SPTBN1: variants seen among roughly 807,000 people sequenced by gnomAD.
The protein encoded by SPTBN1 is spectrin beta chain, non-erythrocytic 1.
Under a neutral mutation model 266.4 loss-of-function variants are expected in SPTBN1, and 32 were observed. That is an observed-to-expected ratio of 0.12 (90% CI 0.09 to 0.16). SPTBN1 has a LOEUF of 0.16. Among genes scored for constraint, SPTBN1 ranks in the 10% least tolerant of loss-of-function variants. The pLI is 1.00. For synonymous variants in SPTBN1, 1,336 were observed against 1,162.2 expected (o/e 1.15, Z -3.04); for missense variants, 2,296 against 3,067.1 (o/e 0.75, Z 5.94).
In SPTBN1 at chr2:54,649,742, C is replaced by G; in HGVS notation, c.5330C>G (p.Ala1777Gly). 6.2e-7 allele frequency: 1 copy of G among 1,614,192 alleles called. No individual in the cohort carries two copies. Among genetic ancestry groups the G allele is most frequent in the Non-Finnish European group, 8.5e-7 (1 of 1,180,032 alleles). ...GGACATTCAGATGCCGCCACCATCG[C>G]TGAATGGAAGGATGGCCTCAATGAA... The part of the protein sequence containing the change: ...NSGHSDAATI[A>G]EWKDGLNEAW... Residue 1777 changes from alanine (A) to glycine (G), a missense_variant, in exon 26 of 36, where the codon GCT (alanine) becomes GGT (glycine). Physicochemically the swap from Ala to Gly is moderately conservative, Grantham distance 60. This residue lies in a region of SPTBN1 where 644 missense variants were observed against 745.3 expected (regional missense o/e 0.86). Transcript: ENST00000356805. This position sits in a 1 kb window ranked among gnomAD's most constrained non-coding sequence, Gnocchi z 6.7.
intron 4 of SPTBN1, among the ~76,000 whole-genome samples, chr2:54,613,225 C>T (rs1001584720): frequency 1.2e-4 from 19 of 152,174 alleles, no homozygotes; most frequent in African/African-American, 2.7e-4. Context: ...GGTTTCTCTG[C>T]GAACAAATAT....
Position 54,645,175 on chromosome 2 carries a change from G to T in SPTBN1, c.4270-54G>T. ...GGCCCAGCAGTTCTGCTTAGAGCCA[G>T]TCACTGCAAAAGATAGTCTGTGCTG... On this transcript the variant is annotated intron_variant, in intron 20 of 35. Coordinates refer to ENST00000356805, the MANE Select transcript of SPTBN1 (RefSeq NM_003128.3). This position sits in a 1 kb window ranked among gnomAD's most constrained non-coding sequence, Gnocchi z 4.3. The T allele has an allele frequency of 1.3e-6, 2 of 1,591,182 alleles. No homozygotes were observed. Among genetic ancestry groups the T allele is most frequent in the South Asian group, 1.1e-5 (1 of 90,104 alleles).
chr2:54,667,029 GT>G (rs1255055219), intron 34 of SPTBN1, among the ~76,000 whole-genome samples: 1 of 152,168 alleles, frequency 6.6e-6, no homozygotes, highest in Non-Finnish European at 1.5e-5. Context: ...CCTACCCTGT[GT>G]TACACAACAG....
chr2:54,475,130 C>T lies in SPTBN1; in HGVS notation c.-48+18612C>T, dbSNP rs139525588. On this transcript the variant is annotated intron_variant, in intron 1 of 35. Coordinates refer to ENST00000356805, the MANE Select transcript of SPTBN1 (RefSeq NM_003128.3). ...CCGAGTCAGGAGAATCACTTGAGCC[C>T]GGGAGGCAGAGGTTGCAGTGAGCTG... Among the ~76,000 whole-genome samples the T allele has an allele frequency of 1.3e-3, 200 of 152,194 alleles. 1 individual carries two copies. The highest frequency in any genetic ancestry group is 2.3e-3 in the Non-Finnish European group (159 of 68,012).
At chr2:54,659,793 G>A in intron 31 of SPTBN1, 143 bp from the exon 32 acceptor site, 4 of 1,444,252 alleles carry the variant, frequency 2.8e-6, no homozygotes, top group Admixed American at 2.8e-5. Context: ...ACACTTGGAA[G>A]TTTCAGATTT....
At chr2:54,503,321 A>G (rs772599818) in intron 1 of SPTBN1, among the ~76,000 whole-genome samples, 4 of 152,124 alleles carry the variant, frequency 2.6e-5, no homozygotes, top group African/African-American at 7.2e-5. Flanking sequence ...TTCATGGAGG[A>G]CTAGGCGTAG....
At chr2:54,477,977 A>C (rs1667923226) in intron 1 of SPTBN1, among the ~76,000 whole-genome samples, 2 of 152,164 alleles carry the variant, frequency 1.3e-5, no homozygotes, top group African/African-American at 4.8e-5. Flanking sequence ...GAGGCAGAGA[A>C]AACCTTCTTC....
At chr2:54,659,030 G>A in intron 30 of SPTBN1, 124 bp from the exon 31 acceptor site, 1 of 916,662 alleles carries the variant, frequency 1.1e-6, no homozygotes, top group Non-Finnish European at 1.7e-6. Context: ...GGATGTTAGA[G>A]CTTCTTGTCC....
At chr2:54,459,097 C>T (rs1693224947) in intron 1 of SPTBN1, among the ~76,000 whole-genome samples, 1 of 152,124 alleles carries the variant, frequency 6.6e-6, no homozygotes, top group Non-Finnish European at 1.5e-5. Context: ...TAAGAAATAT[C>T]CTGTGTTGAT....
Position 54,562,253 on chromosome 2 carries a change from A to G in SPTBN1, c.148+35687A>G, listed in dbSNP as rs374174083. Among the ~76,000 whole-genome samples, 196 of 152,340 alleles carry G rather than the reference A, an allele frequency of 1.3e-3. 4 individuals are homozygous for G. In the South Asian group the frequency reaches 0.036, roughly 28 times the overall value. The stretch of plus-strand genomic sequence containing the variant: ...TTCACATCAGCCAGCTTAACTCCTC[A>G]TGAGAGAACACTCATCATGCCACTT... On this transcript the variant is annotated intron_variant, in intron 2 of 35. Coordinates refer to ENST00000356805, the MANE Select transcript of SPTBN1 (RefSeq NM_003128.3).
chr2:54,565,623 T>A (rs187917594), intron 2 of SPTBN1, among the ~76,000 whole-genome samples: 6 of 152,334 alleles, frequency 3.9e-5, no homozygotes, highest in Non-Finnish European at 7.4e-5. Context: ...TAATAAATAA[T>A]CTATTGAATT....
chr2:54,650,961 C>T (rs1680240319), intron 26 of SPTBN1, among the ~76,000 whole-genome samples: 1 of 152,166 alleles, frequency 6.6e-6, no homozygotes, highest in African/African-American at 2.4e-5. Context: ...CTCTCACTTC[C>T]CCTTAATTCT....
intron 17 of SPTBN1, among the ~76,000 whole-genome samples, chr2:54,634,751 A>G (rs919250002): frequency 6.6e-6 from 1 of 152,216 alleles, no homozygotes; most frequent in Admixed American, 6.5e-5. Flanking sequence ...ATGTAAAGTC[A>G]TTATAATGTG....
chr2:54,490,215 C>G (rs1402303032), intron 1 of SPTBN1, among the ~76,000 whole-genome samples: 1 of 151,826 alleles, frequency 6.6e-6, no homozygotes, highest in Admixed American at 6.6e-5. Flanking sequence ...GGGATTACAG[C>G]TGCGTGCCAC....
chr2:54,497,755 A>G (rs931570938), intron 1 of SPTBN1, among the ~76,000 whole-genome samples: 23 of 152,334 alleles, frequency 1.5e-4, no homozygotes, highest in Middle Eastern at 6.8e-3. Flanking sequence ...ATTGTGTGGT[A>G]TACTTCCTAT....
At position 54,533,832 on chromosome 2, in the gene SPTBN1, T is replaced by TG. The variant is rs1265964255; in HGVS notation, c.148+7267dup. On this transcript the variant is annotated intron_variant, in intron 2 of 35. Coordinates refer to ENST00000356805, the MANE Select transcript of SPTBN1 (RefSeq NM_003128.3). This position sits in a 1 kb window ranked among gnomAD's most constrained non-coding sequence, Gnocchi z 4.2. ...TCCCAAAGTGCTGGGATTACAGGCG[T>TG]GAGCCTCCACGCCCGGCCTGCTGTA... Among the ~76,000 whole-genome samples the TG allele has an allele frequency of 6.6e-6, 1 of 152,082 alleles. No individual in the cohort carries two copies. The highest frequency in any genetic ancestry group is 6.5e-5 in the Admixed American group (1 of 15,278).
chr2:54,479,081 T>C (rs1476238402), intron 1 of SPTBN1, among the ~76,000 whole-genome samples: 1 of 152,090 alleles, frequency 6.6e-6, no homozygotes, highest in Admixed American at 6.5e-5. Flanking sequence ...TGTTTTAAAA[T>C]AGAAAAAGAT....
chr2:54,552,292 A>G (rs1276067461), intron 2 of SPTBN1, among the ~76,000 whole-genome samples: 1 of 152,182 alleles, frequency 6.6e-6, no homozygotes, highest in Non-Finnish European at 1.5e-5. Flanking sequence ...CTGTACTATA[A>G]TAGTATCTTT....
rs915439298 is a variant in SPTBN1, at chr2:54,671,432, A to T, written c.*2863A>T. 3.3e-5 allele frequency: 5 copies of T among 152,198 alleles called. No individual in the cohort carries two copies. The highest frequency in any genetic ancestry group is 1.2e-4 in the African/African-American group (5 of 41,440). The allele number at this position is 152,198 out of a possible 1,614,324, so 9.4% of individuals were successfully genotyped here. A position where few individuals can be genotyped will look rare whatever the true frequency, so the allele number is the denominator to read the frequency against. ...TATCAGTCGGAATTCTTAAATAAAG[A>T]CATACTTCCCTTCATGTAGTGGTGC... On this transcript the variant is annotated 3_prime_UTR_variant, in exon 36 of 36. Transcript: ENST00000356805.
Sources: allele counts gnomAD v4.1 joint callset (sites outside exome capture counted in the v4.1 genomes callset), GRCh38; gene constraint gnomAD v4.1.1; regional missense constraint gnomAD v4.1.1; non-coding constraint Gnocchi (gnomAD v3.1); transcripts MANE v1.5; gene names NCBI Gene and HGNC (gene_info 2026-07-23, HGNC 2026-07-21).